ADAMTSL3: variants seen among roughly 807,000 people sequenced by gnomAD.
The protein encoded by ADAMTSL3 is ADAMTS-like protein 3.
A neutral mutation model predicts 201.7 loss-of-function variants in ADAMTSL3; 128 were observed. The observed-to-expected ratio is 0.63, with a 90% CI of 0.55 to 0.73. The LOEUF is 0.73. ADAMTSL3 is among the 30% of genes least tolerant of loss of function. ADAMTSL3 has a pLI of 0.00. For synonymous variants in ADAMTSL3, 738 were observed against 748.4 expected, an observed-to-expected ratio of 0.99 and a Z score of 0.23; for missense variants, 1,990 against 2,119.6, an observed-to-expected ratio of 0.94 and a Z score of 1.20.
chr15:83,897,477 G>T (rs1260835029), intron 13 of ADAMTSL3, among the ~76,000 whole-genome samples: 1 of 152,108 alleles, frequency 6.6e-6, no homozygotes, highest in Non-Finnish European at 1.5e-5. Flanking sequence ...TTTATTGACA[G>T]TTCAGAAAGG....
At position 83,924,005 on chromosome 15, in the gene ADAMTSL3, G is replaced by A. The variant is rs766041572; in HGVS notation, c.2089G>A (p.Ala697Thr). Residue 697 changes from alanine (A) to threonine (T), a missense_variant, in exon 17 of 30, where the codon GCC becomes ACC. Ala to Thr is a moderately conservative substitution (Grantham distance 58). Transcript: ENST00000286744. ...CCACCGTCCTCCAGCCATGAGCCAG[G>A]CCTGTAACACAGAGCCCTGTCCCCC... ...MVHRPPAMSQ[A>T]CNTEPCPPRW... 1.4e-5 allele frequency: 23 copies of A among 1,613,980 alleles called. No homozygotes were observed. In the South Asian group the frequency reaches 1.6e-4, roughly 12 times the overall value.
At chr15:83,992,159 C>A (rs1468626462) in intron 23 of ADAMTSL3, among the ~76,000 whole-genome samples, 1 of 152,140 alleles carries the variant, frequency 6.6e-6, no homozygotes, top group African/African-American at 2.4e-5. Flanking sequence ...GACAGAGGAG[C>A]TTTTGCTGCT....
chr15:83,940,932 G>A lies in ADAMTSL3; in HGVS notation c.2118-1664G>A, dbSNP rs199713629. On this transcript the variant is annotated intron_variant, in intron 17 of 29. Coordinates refer to ENST00000286744, the MANE Select transcript of ADAMTSL3 (RefSeq NM_207517.3). ...ACTAGTGAGGTCCAGTCCCTTTCTT[G>A]AATGGAACTTTTGTAATTCCTTAGA... Among the ~76,000 whole-genome samples the A allele has an allele frequency of 2.6e-5, 4 of 151,934 alleles. No individual in the cohort carries two copies. In the East Asian group the frequency reaches 7.7e-4, roughly 29 times the overall value.
At chr15:83,923,008 A>G (rs936712142) in intron 16 of ADAMTSL3, among the ~76,000 whole-genome samples, 6 of 152,164 alleles carry the variant, frequency 3.9e-5, no homozygotes, top group South Asian at 2.1e-4. Flanking sequence ...CAGCGGACAA[A>G]GAATACTGGT....
At chr15:84,021,159 G>T (rs2068198415) in intron 25 of ADAMTSL3, among the ~76,000 whole-genome samples, 1 of 152,150 alleles carries the variant, frequency 6.6e-6, no homozygotes, top group African/African-American at 2.4e-5. Flanking sequence ...GACCCAGCTG[G>T]CCGATGATAG....
intron 23 of ADAMTSL3, among the ~76,000 whole-genome samples, chr15:84,010,579 T>C (rs2067990679): frequency 1.3e-5 from 2 of 152,162 alleles, no homozygotes; most frequent in African/African-American, 4.8e-5. Context: ...AATGCAGTAA[T>C]AATGCTATAA....
chr15:83,782,314 T>C (rs1046252146), intron 4 of ADAMTSL3, among the ~76,000 whole-genome samples: 2 of 151,942 alleles, frequency 1.3e-5, no homozygotes, highest in African/African-American at 4.8e-5. Flanking sequence ...ACATCTCTAC[T>C]AAAAATACAA....
At chr15:83,749,499 T>A (rs907904886) in intron 3 of ADAMTSL3, among the ~76,000 whole-genome samples, 6 of 152,116 alleles carry the variant, frequency 3.9e-5, no homozygotes, top group African/African-American at 1.4e-4. Context: ...GACAGAACAA[T>A]TGGACTGCAG....
chr15:84,021,130 C>G (rs2068197835), intron 25 of ADAMTSL3, among the ~76,000 whole-genome samples: 1 of 152,176 alleles, frequency 6.6e-6, no homozygotes, highest in African/African-American at 2.4e-5. Flanking sequence ...CCTCCTCTCT[C>G]TCTGGGATTT....
intron 26 of ADAMTSL3, among the ~76,000 whole-genome samples, chr15:84,023,770 T>C (rs2068248001): frequency 1.3e-5 from 2 of 152,186 alleles, no homozygotes; most frequent in Admixed American, 6.5e-5. Context: ...GAAGAGACCA[T>C]AGAGATCATC....
intron 20 of ADAMTSL3, among the ~76,000 whole-genome samples, chr15:83,980,146 A>G (rs2067359807): frequency 6.6e-6 from 1 of 152,164 alleles, no homozygotes. Context: ...CAGTATGGAC[A>G]TGGTCAGAAA....
chr15:83,713,104 G>A (rs933569219), intron 3 of ADAMTSL3, among the ~76,000 whole-genome samples: 1 of 152,026 alleles, frequency 6.6e-6, no homozygotes, highest in Non-Finnish European at 1.5e-5. Flanking sequence ...CACCTTCTAT[G>A]CATGATTTTC....
chr15:83,794,664 G>C (rs1013319728), intron 4 of ADAMTSL3, among the ~76,000 whole-genome samples: 1 of 151,918 alleles, frequency 6.6e-6, no homozygotes, highest in Non-Finnish European at 1.5e-5. Context: ...GATAGGGTGG[G>C]GGGGAGGAGA....
intron 2 of ADAMTSL3, among the ~76,000 whole-genome samples, chr15:83,687,308 A>G (rs1001588926): frequency 6.6e-6 from 1 of 152,258 alleles, no homozygotes; most frequent in South Asian, 2.1e-4. Flanking sequence ...TCAACATGTA[A>G]TCAGTATGAA....
intron 10 of ADAMTSL3, among the ~76,000 whole-genome samples, chr15:83,889,185 G>A (rs2065457268): frequency 6.6e-6 from 1 of 152,096 alleles, no homozygotes; most frequent in Non-Finnish European, 1.5e-5. Context: ...AATAGAATCA[G>A]GAATAAGTCT....
chr15:83,814,837 A>G (rs1224803076), intron 5 of ADAMTSL3, among the ~76,000 whole-genome samples: 1 of 152,236 alleles, frequency 6.6e-6, no homozygotes, highest in African/African-American at 2.4e-5. Context: ...AGCTTGGTCC[A>G]GTCCTATTAT....
intron 24 of ADAMTSL3, among the ~76,000 whole-genome samples, chr15:84,014,957 T>A (rs929499413): frequency 1.3e-5 from 2 of 152,078 alleles, no homozygotes; most frequent in Non-Finnish European, 2.9e-5. Context: ...TGTGTGATTT[T>A]TTTTTTTTAA....
At chr15:83,867,538 C>T (rs2065002705) in intron 8 of ADAMTSL3, among the ~76,000 whole-genome samples, 1 of 152,158 alleles carries the variant, frequency 6.6e-6, no homozygotes, top group African/African-American at 2.4e-5. Context: ...AGAATATTTT[C>T]CCTTTAAGCC....
intron 8 of ADAMTSL3, among the ~76,000 whole-genome samples, chr15:83,866,447 A>G (rs2064978726): frequency 6.6e-6 from 1 of 152,222 alleles, no homozygotes; most frequent in African/African-American, 2.4e-5. Flanking sequence ...GGATGAGTTC[A>G]TGTCCTTTGT....
Sources: gnomAD v4.1 joint callset for allele counts (sites outside exome capture counted in the v4.1 genomes callset) on GRCh38, gnomAD v4.1.1 for gene constraint, MANE v1.5 for transcripts, NCBI Gene and HGNC (gene_info 2026-07-23, HGNC 2026-07-21) for gene names.